Variants in ATP9A observed in about 807,000 individuals in gnomAD.
The protein encoded by ATP9A is ATPase phospholipid transporting 9A.
ATP9A carries 52 observed loss-of-function variants against 144.1 expected under a neutral mutation model. The observed-to-expected ratio is 0.36, with a 90% CI of 0.29 to 0.45. ATP9A has a LOEUF of 0.45. Among genes scored for constraint, ATP9A ranks in the 20% least tolerant of loss-of-function variants. The pLI, the probability that ATP9A is intolerant of heterozygous loss-of-function variation, is 1.00. For missense variants in ATP9A, 947 were observed against 1,392.7 expected (o/e 0.68, Z 5.09); for synonymous variants, 582 against 557.4 (o/e 1.04, Z -0.62).
chr20:51,671,086 T>A (rs372157117), intron 12 of ATP9A, 29 bp downstream of exon 12: 17 of 1,606,864 alleles, frequency 1.1e-5, no homozygotes, highest in Non-Finnish European at 1.4e-5. Flanking sequence ...TCACCAGGAA[T>A]CCTGCGCAGG....
At chr20:51,732,975 T>G (rs1462286669) in intron 1 of ATP9A, among the ~76,000 whole-genome samples, 2 of 151,944 alleles carry the variant, frequency 1.3e-5, no homozygotes, top group Non-Finnish European at 2.9e-5. Context: ...AATCTAGTAA[T>G]GACTGTCTTC....
chr20:51,685,024 A>AT (rs1568819663), intron 9 of ATP9A, among the ~76,000 whole-genome samples: 1 of 139,418 alleles, frequency 7.2e-6, no homozygotes, highest in Middle Eastern at 3.4e-3. Context: ...AAATAAAAAA[A>AT]AAAAAAAAAA....
intron 1 of ATP9A, among the ~76,000 whole-genome samples, chr20:51,745,166 C>G (rs902045700): frequency 4.6e-5 from 7 of 151,594 alleles, no homozygotes; most frequent in Non-Finnish European, 1.0e-4. Context: ...ACTGGGGAGG[C>G]TGAGGCAGGA....
At chr20:51,741,250 T>G (rs1247095349) in intron 1 of ATP9A, among the ~76,000 whole-genome samples, 3 of 152,044 alleles carry the variant, frequency 2.0e-5, no homozygotes, top group African/African-American at 7.2e-5. Context: ...CTTGAACTGA[T>G]GTCAATGGCA....
At position 51,625,158 on chromosome 20, in the gene ATP9A, T is replaced by C. The variant is rs765539240; in HGVS notation, c.2016+34A>G. ...TGCTGAGGGATAACTGGCATTGCCCTGGAGTGCCCTTCCCTGCGGGCAGCC... is the reference window on the plus strand; with the variant it reads ...TGCTGAGGGATAACTGGCATTGCCCCGGAGTGCCCTTCCCTGCGGGCAGCC... On this transcript the variant is annotated intron_variant, in intron 18 of 27. Transcript: ENST00000338821. 5.0e-6 allele frequency: 8 copies of C among 1,585,398 alleles called. No homozygotes were observed. The African/African-American group carries it at 6.7e-5, about 13-fold the overall frequency.
At chr20:51,754,947 T>C (rs1445739280) in intron 1 of ATP9A, among the ~76,000 whole-genome samples, 1 of 138,222 alleles carries the variant, frequency 7.2e-6, no homozygotes, top group Non-Finnish European at 1.6e-5. Context: ...CCATCCCTAC[T>C]AAAAAAAAAA....
intron 3 of ATP9A, among the ~76,000 whole-genome samples, chr20:51,716,031 C>T (rs1341522922): frequency 1.0e-4 from 9 of 88,670 alleles, no homozygotes; most frequent in Admixed American, 2.9e-4. Context: ...GTGGTGGGGG[C>T]GGGTGGGGTG....
intron 1 of ATP9A, among the ~76,000 whole-genome samples, chr20:51,746,011 G>A (rs1011481386): frequency 2.6e-5 from 4 of 152,176 alleles, no homozygotes; most frequent in Admixed American, 6.5e-5. Context: ...AAAAGAACAA[G>A]ATTGTGTCTT....
At chr20:51,617,359 T>C in intron 22 of ATP9A, 131 bp downstream of exon 22, 1 of 940,318 alleles carries the variant, frequency 1.1e-6, no homozygotes, top group Non-Finnish European at 1.7e-6. Flanking sequence ...ACAAGGTAAC[T>C]GTGACACATG....
At chr20:51,767,259 C>T (rs1465009289) in intron 1 of ATP9A, among the ~76,000 whole-genome samples, 1 of 152,074 alleles carries the variant, frequency 6.6e-6, no homozygotes, top group African/African-American at 2.4e-5. Flanking sequence ...CGCCCAACAC[C>T]GCGCTCAGCC....
At position 51,650,362 on chromosome 20, in the gene ATP9A, C is replaced by T. The variant is rs1216832091; in HGVS notation, c.1506+6576G>A. Among the ~76,000 whole-genome samples the T allele has an allele frequency of 6.6e-5, 10 of 151,854 alleles. No individual in the cohort carries two copies. The East Asian group carries it at 1.9e-3, about 29-fold the overall frequency. On this transcript the variant is annotated intron_variant, in intron 14 of 27. Transcript: ENST00000338821. Reference sequence around the variant, plus strand: ...CAGCCTGGCCAATATGGTGAAACCCCGTCTCTACTAAAAATACAAAAATTA... The same window carrying T: ...CAGCCTGGCCAATATGGTGAAACCCTGTCTCTACTAAAAATACAAAAATTA...
intron 18 of ATP9A, 63 bp from the exon 19 acceptor site, chr20:51,622,235 A>G: frequency 1.5e-6 from 2 of 1,335,596 alleles, no homozygotes; most frequent in Non-Finnish European, 2.1e-6. Context: ...GTCATCTGCA[A>G]CAGCTGAGTT....
chr20:51,747,867 C>T (rs534721994), intron 1 of ATP9A, among the ~76,000 whole-genome samples: 1 of 152,330 alleles, frequency 6.6e-6, no homozygotes, highest in South Asian at 2.1e-4. Flanking sequence ...TACCAAGCCA[C>T]CCTCCTGCAG....
intron 14 of ATP9A, among the ~76,000 whole-genome samples, chr20:51,645,104 G>A (rs1484187313): frequency 2.0e-5 from 3 of 152,210 alleles, no homozygotes. Flanking sequence ...ATCAATTACA[G>A]CTGTATGTAA....
chr20:51,611,709 C>T lies in ATP9A; in HGVS notation c.2572-1544G>A, dbSNP rs1156901732. Reference sequence around the variant, plus strand: ...CCCGGCCAGCTTTTGTGTATGAGTCCAAGGACGGGCTGATTAATCTCCCAA... The same window carrying T: ...CCCGGCCAGCTTTTGTGTATGAGTCTAAGGACGGGCTGATTAATCTCCCAA... On this transcript the variant is annotated intron_variant, in intron 23 of 27. Transcript: ENST00000338821. This position sits in a 1 kb window ranked among gnomAD's most constrained non-coding sequence, Gnocchi z 4.2. Among the ~76,000 whole-genome samples, 8 of 152,162 alleles carry T rather than the reference C, an allele frequency of 5.3e-5. No homozygotes were observed. Among genetic ancestry groups the T allele is most frequent in the Non-Finnish European group, 2.9e-5 (2 of 68,034 alleles).
chr20:51,649,676 A>G (rs2074999203), intron 14 of ATP9A, among the ~76,000 whole-genome samples: 6 of 152,192 alleles, frequency 3.9e-5, no homozygotes. Flanking sequence ...GCACTGTGGG[A>G]GGCCAAGGCG....
At chr20:51,603,724 G>A (rs2122703391) in intron 27 of ATP9A, among the ~76,000 whole-genome samples, 1 of 152,120 alleles carries the variant, frequency 6.6e-6, no homozygotes. Flanking sequence ...CCCCACATTA[G>A]GATGGTGCTG....
At chr20:51,601,474 G>T in intron 27 of ATP9A, 127 bp from the exon 28 acceptor site, 2 of 987,992 alleles carry the variant, frequency 2.0e-6, no homozygotes, top group Non-Finnish European at 1.4e-6. Context: ...CAGCCTCCTG[G>T]CATTGGCCCT....
At position 51,639,461 on chromosome 20, in the gene ATP9A, A is replaced by T. The variant is rs2077309463; in HGVS notation, c.1550T>A (p.Val517Glu). The T allele has an allele frequency of 9.3e-6, 15 of 1,613,636 alleles. No individual in the cohort carries two copies. Among genetic ancestry groups the T allele is most frequent in the Non-Finnish European group, 1.2e-5 (14 of 1,179,790 alleles). Residue 517 changes from valine to glutamate, a missense_variant, in exon 15 of 28, where the codon GTG (valine) becomes GAG (glutamate). Val to Glu is a moderately radical substitution (Grantham distance 121). Around this residue, in one of 2 missense-constraint regions of ATP9A, gnomAD observed 770 missense variants for 1,047.9 expected, o/e 0.73. Transcript: ENST00000338821. The part of the protein sequence containing the change: ...QWTESVGLTL[V>E]GRDQSSMQLR... Reference sequence around the variant, plus strand: ...CTGCATGGAAGACTGGTCTCGGCCCACCAGGGTTAAGCCCACACTTTCCGT... The same window carrying T: ...CTGCATGGAAGACTGGTCTCGGCCCTCCAGGGTTAAGCCCACACTTTCCGT...
Sources: allele counts gnomAD v4.1 joint callset (sites outside exome capture counted in the v4.1 genomes callset), GRCh38; gene constraint gnomAD v4.1.1; regional missense constraint gnomAD v4.1.1; non-coding constraint Gnocchi (gnomAD v3.1); transcripts MANE v1.5; gene names NCBI Gene and HGNC (gene_info 2026-07-23, HGNC 2026-07-21).